RPH3AL: variants seen among roughly 807,000 people sequenced by gnomAD.
RPH3AL encodes rab effector Noc2.
In RPH3AL, 38 loss-of-function variants were observed where a neutral mutation model predicts 43.1. The observed-to-expected ratio is 0.88, with a 90% CI of 0.68 to 1.15. The LOEUF (loss-of-function observed/expected upper bound fraction) is 1.15. Among genes scored for constraint, RPH3AL ranks in the 50% most tolerant of loss-of-function variants. The pLI is 0.00. For missense variants in RPH3AL, 462 were observed against 423.2 expected (o/e 1.09, Z -0.81); for synonymous variants, 189 against 176.3 (o/e 1.07, Z -0.57).
chr17:256,741 T>G (rs1485651571), intron 6 of RPH3AL, among the ~76,000 whole-genome samples: 3 of 3,110 alleles, frequency 9.6e-4, no homozygotes, highest in African/African-American at 3.5e-3. Flanking sequence ...CGTCTGTCCT[T>G]TTCCATCCCT....
At chr17:282,095 C>T (rs1355395824) in intron 5 of RPH3AL, among the ~76,000 whole-genome samples, 1 of 152,188 alleles carries the variant, frequency 6.6e-6, no homozygotes, top group African/African-American at 2.4e-5. Context: ...GTTGGAACCA[C>T]AGCAAAGCTT....
At chr17:268,615 C>G (rs912704201) in intron 6 of RPH3AL, among the ~76,000 whole-genome samples, 27 of 115,984 alleles carry the variant, frequency 2.3e-4, no homozygotes, top group African/African-American at 8.6e-4. Flanking sequence ...GGCTGAAGTA[C>G]TGTGGCACCA....
chr17:231,321 T>C (rs2041225583), intron 7 of RPH3AL, among the ~76,000 whole-genome samples: 1 of 152,208 alleles, frequency 6.6e-6, no homozygotes, highest in Non-Finnish European at 1.5e-5. Flanking sequence ...GTGGGCTGCC[T>C]GCTTTGCCTG....
intron 7 of RPH3AL, among the ~76,000 whole-genome samples, chr17:244,570 G>A (rs2041700467): frequency 6.6e-6 from 1 of 152,132 alleles, no homozygotes; most frequent in African/African-American, 2.4e-5. Context: ...GAAGATGCTG[G>A]CCCCGGGGCC....
At chr17:324,423 G>A (rs767385994) in intron 3 of RPH3AL, among the ~76,000 whole-genome samples, 11 of 152,144 alleles carry the variant, frequency 7.2e-5, no homozygotes, top group Non-Finnish European at 1.3e-4. Context: ...TGCAGCTGAC[G>A]GAGGCCGACT....
At chr17:236,327 T>C (rs866688024) in intron 7 of RPH3AL, among the ~76,000 whole-genome samples, 3 of 152,282 alleles carry the variant, frequency 2.0e-5, no homozygotes, top group South Asian at 2.1e-4. Context: ...AACCTAAATG[T>C]CCCCTGCTGT....
At chr17:220,054 T>G (rs2040920602) in intron 7 of RPH3AL, among the ~76,000 whole-genome samples, 1 of 152,152 alleles carries the variant, frequency 6.6e-6, no homozygotes, top group Non-Finnish European at 1.5e-5. Flanking sequence ...CAGAACCCAC[T>G]GGCCGTGTCG....
intron 6 of RPH3AL, among the ~76,000 whole-genome samples, chr17:253,685 C>G (rs1262094460): frequency 1.5e-5 from 2 of 137,174 alleles, no homozygotes; most frequent in Non-Finnish European, 3.2e-5. Context: ...CGTTACTACC[C>G]TACGTACTTC....
intron 7 of RPH3AL, among the ~76,000 whole-genome samples, chr17:228,402 T>C (rs2041153146): frequency 6.6e-6 from 1 of 152,008 alleles, no homozygotes; most frequent in Admixed American, 6.6e-5. Context: ...ATGGGGACTC[T>C]CACCCCGGGT....
chr17:219,542 T>TTTTTTTTTA lies in RPH3AL; in HGVS notation c.727+80_727+81insTAAAAAAAA, dbSNP rs2040901955. 4.3e-5 allele frequency: 16 copies of TTTTTTTTTA among 374,926 alleles called. 2 individuals carry two copies. The highest frequency in any genetic ancestry group is 9.0e-5 in the East Asian group (2 of 22,240). The allele number at this position is 374,926 out of a possible 1,614,324, so 23.2% of individuals were successfully genotyped here. A position where few individuals can be genotyped will look rare whatever the true frequency, so the allele number is the denominator to read the frequency against. On this transcript the variant is annotated intron_variant, in intron 8 of 9. Coordinates refer to ENST00000331302, the MANE Select transcript of RPH3AL (RefSeq NM_006987.4). ...TTTTTCTTCCTTTTTTTTTTTTTTT[T>TTTTTTTTTA]GAGATGGAGTTTCGCTCCTGTTGCC...
At chr17:343,978 T>TATTATTAAAAATAAATAAATAAATA (rs1567540413) in intron 1 of RPH3AL, among the ~76,000 whole-genome samples, 4 of 40,526 alleles carry the variant, frequency 9.9e-5, no homozygotes, top group Admixed American at 5.1e-4. Flanking sequence ...TCATCATCAT[T>TATTATTAAAAATAAATAAATAAATA]ACCATCACCA....
intron 1 of RPH3AL, among the ~76,000 whole-genome samples, chr17:334,754 C>G (rs1339127611): frequency 3.2e-5 from 3 of 92,580 alleles, no homozygotes; most frequent in African/African-American, 1.1e-4. Flanking sequence ...CACGCCTTCC[C>G]CCAGGGCCAG....
At chr17:258,400 G>C (rs192757352) in intron 6 of RPH3AL, among the ~76,000 whole-genome samples, 149 of 152,298 alleles carry the variant, frequency 9.8e-4, no homozygotes, top group Non-Finnish European at 2.0e-3. Context: ...GAAGAAGCCT[G>C]GGTGTTTCAC....
At chr17:249,785 C>T (rs782319775) in intron 6 of RPH3AL, among the ~76,000 whole-genome samples, 6 of 151,668 alleles carry the variant, frequency 4.0e-5, no homozygotes, top group South Asian at 2.1e-4. Context: ...TCCATCACTG[C>T]GGGACATCTC....
At chr17:318,096 C>G (rs2044348518) in intron 5 of RPH3AL, among the ~76,000 whole-genome samples, 1 of 152,164 alleles carries the variant, frequency 6.6e-6, no homozygotes, top group African/African-American at 2.4e-5. Context: ...AAAACCATGA[C>G]TAGCAGCCAG....
In RPH3AL at chr17:294,653, G is replaced by A. The variant is rs554491014; in HGVS notation, c.352-12799C>T. 2.4e-3 allele frequency among the ~76,000 whole-genome samples: 132 copies of A among 55,094 alleles called. 2 individuals carry two copies. Among genetic ancestry groups the A allele is most frequent in the Middle Eastern group, 0.016 (1 of 64 alleles). 36.1% of individuals were successfully genotyped at this position (55,094 alleles called of 152,430 possible). On this transcript the variant is annotated intron_variant, in intron 5 of 9. Transcript: ENST00000331302. ...TGCAGAAATGGACAGCAGAGGGAATGCACACAGTGTGGGAGGGACAGAGAT... is the reference window on the plus strand; with the variant it reads ...TGCAGAAATGGACAGCAGAGGGAATACACACAGTGTGGGAGGGACAGAGAT...
chr17:350,025 G>A (rs542578364), intron 1 of RPH3AL, among the ~76,000 whole-genome samples: 63 of 152,278 alleles, frequency 4.1e-4, no homozygotes, highest in Non-Finnish European at 1.8e-4. Context: ...CTGCAGATGC[G>A]ATCTCCCTTT....
At position 292,693 on chromosome 17, in the gene RPH3AL, GA is replaced by G. The variant is rs1466045926; in HGVS notation, c.352-10840del. Reference sequence around the variant, plus strand: ...GACCCAACTTCACCCTCCCCACCCCGAGGTAAGGCAAGGCTGGATCCCTGGG... The same window carrying G: ...GACCCAACTTCACCCTCCCCACCCCGGGTAAGGCAAGGCTGGATCCCTGGG... On this transcript the variant is annotated intron_variant, in intron 5 of 9. Transcript: ENST00000331302. Among the ~76,000 whole-genome samples, 144 of 152,178 alleles carry G rather than the reference GA, an allele frequency of 9.5e-4. 1 individual carries two copies. The East Asian group carries it at 9.9e-3, about 10-fold the overall frequency.
chr17:247,138 G>A lies in RPH3AL; in HGVS notation c.586C>T (p.Arg196Cys), dbSNP rs371456304. The A allele has an allele frequency of 9.2e-5, 149 of 1,610,928 alleles. No individual in the cohort carries two copies. Among genetic ancestry groups the A allele is most frequent in the East Asian group, 8.3e-4 (37 of 44,636 alleles). ...CTTCCTCGGGCCCACGTGTAGATGCGGCTGGTCTCAGAGCTTCTGGGCTCT... is the reference window on the plus strand; with the variant it reads ...CTTCCTCGGGCCCACGTGTAGATGCAGCTGGTCTCAGAGCTTCTGGGCTCT... ...EREPRSSETS[R>C]IYTWARGRVV... The change falls in exon 7 of 10, where the codon CGC (arginine) becomes TGC (cysteine). Residue 196 changes from arginine to cysteine, a missense_variant. Transcript: ENST00000331302.
Sources: gnomAD v4.1 joint callset for allele counts (sites outside exome capture counted in the v4.1 genomes callset) on GRCh38, gnomAD v4.1.1 for gene constraint, MANE v1.5 for transcripts, NCBI Gene and HGNC (gene_info 2026-07-23, HGNC 2026-07-21) for gene names.